The following TMEM131 variants were observed in gnomAD, a reference collection of about 807,000 sequenced individuals.
TMEM131 encodes the protein 2610524E03Rik.
TMEM131 carries 66 observed loss-of-function variants against 211.6 expected under a neutral mutation model. The ratio of observed to expected loss-of-function variants is 0.31; its 90% CI spans 0.26 to 0.38. The LOEUF is 0.38. TMEM131 is among the 10% of genes least tolerant of loss of function. The pLI, the probability that TMEM131 is intolerant of heterozygous loss-of-function variation, is 1.00. For synonymous variants in TMEM131, 844 were observed against 841.3 expected, an observed-to-expected ratio of 1.00 and a Z score of -0.06; for missense variants, 2,036 against 2,299.3, an observed-to-expected ratio of 0.89 and a Z score of 2.34.
intron 2 of TMEM131, among the ~76,000 whole-genome samples, chr2:97,920,354 A>G (rs929779778): frequency 6.6e-6 from 1 of 152,174 alleles, no homozygotes; most frequent in Non-Finnish European, 1.5e-5. Flanking sequence ...GAAATATTGA[A>G]TGTTGTATTT....
chr2:97,803,355 T>C (rs1681123820), intron 22 of TMEM131, among the ~76,000 whole-genome samples: 1 of 152,196 alleles, frequency 6.6e-6, no homozygotes, highest in Non-Finnish European at 1.5e-5. Context: ...AAGACATCAG[T>C]TGACAACAGA....
intron 1 of TMEM131, among the ~76,000 whole-genome samples, chr2:97,962,407 G>A (rs1310892719): frequency 2.0e-5 from 3 of 152,158 alleles, no homozygotes; most frequent in African/African-American, 7.2e-5. Flanking sequence ...GGGAGGCTGA[G>A]GCAGGAGAAT....
chr2:97,785,237 G>A (rs940252789), intron 31 of TMEM131, among the ~76,000 whole-genome samples: 1 of 152,044 alleles, frequency 6.6e-6, no homozygotes, highest in African/African-American at 2.4e-5. Flanking sequence ...CACACTACAG[G>A]CAAGTAAAAA....
At chr2:97,804,403 G>A (rs779925125) in intron 22 of TMEM131, among the ~76,000 whole-genome samples, 11 of 151,976 alleles carry the variant, frequency 7.2e-5, no homozygotes, top group African/African-American at 2.2e-4. Flanking sequence ...AGTGGGTCAC[G>A]CCTGTAATCT....
In TMEM131 at chr2:97,919,151, CA is replaced by C. The variant is rs371772738; in HGVS notation, c.249+8274del. 6.2e-3 allele frequency among the ~76,000 whole-genome samples: 951 copies of C among 152,312 alleles called. 14 individuals carry two copies. Among genetic ancestry groups the C allele is most frequent in the African/African-American group, 0.02 (830 of 41,568 alleles). ...TCATAAGATTTAGCCTTAGTGGTAC[CA>C]AAATGTTCTGCCACAATGCATTAGT... On this transcript the variant is annotated intron_variant, in intron 2 of 40. Transcript: ENST00000186436.
At chr2:97,827,336 C>G in intron 11 of TMEM131, 1 of 808,070 alleles carries the variant, frequency 1.2e-6, no homozygotes, top group Non-Finnish European at 2.3e-6. Flanking sequence ...AAACCTCCTG[C>G]AAAAGTGGAA....
At position 97,991,276 on chromosome 2, in the gene TMEM131, T is replaced by A. The variant is rs374508877; in HGVS notation, c.187+4200A>T. ...TAACAAGGCAGTACACAATTAGGTGTCAAAATGAATGATGAATGATTAACA... is the reference window on the plus strand; with the variant it reads ...TAACAAGGCAGTACACAATTAGGTGACAAAATGAATGATGAATGATTAACA... On this transcript the variant is annotated intron_variant, in intron 1 of 40. Coordinates refer to ENST00000186436, the MANE Select transcript of TMEM131 (RefSeq NM_015348.2). Among the ~76,000 whole-genome samples the A allele has an allele frequency of 4.0e-3, 603 of 152,178 alleles. 38 individuals carry two copies. The South Asian group carries it at 0.12, about 31-fold the overall frequency.
intron 25 of TMEM131, 83 bp from the exon 26 acceptor site, chr2:97,797,599 C>T: frequency 8.0e-7 from 1 of 1,245,826 alleles, no homozygotes; most frequent in Non-Finnish European, 1.1e-6. Flanking sequence ...ATCTAGAGCC[C>T]AGTATAGTTT....
At chr2:97,928,412 G>A (rs533537612) in intron 1 of TMEM131, among the ~76,000 whole-genome samples, 2 of 150,002 alleles carry the variant, frequency 1.3e-5, no homozygotes, top group South Asian at 4.1e-4. Flanking sequence ...GTGGATACAG[G>A]ACATGATGCA....
chr2:97,893,206 G>A (rs932180568), intron 3 of TMEM131, among the ~76,000 whole-genome samples: 16 of 152,178 alleles, frequency 1.1e-4, no homozygotes, highest in African/African-American at 3.9e-4. Flanking sequence ...CCATGTCCCT[G>A]CAAAGGGCAT....
chr2:97,943,089 G>GAAAC (rs747978896), intron 1 of TMEM131, among the ~76,000 whole-genome samples: 1 of 147,170 alleles, frequency 6.8e-6, no homozygotes, highest in East Asian at 2.0e-4. Context: ...AAGAAAGAAA[G>GAAAC]AAAGAAAGAA....
intron 1 of TMEM131, among the ~76,000 whole-genome samples, chr2:97,953,579 A>G (rs1388364560): frequency 6.6e-6 from 1 of 152,224 alleles, no homozygotes; most frequent in Admixed American, 6.5e-5. Flanking sequence ...GGAGATTTCA[A>G]CACTTCACTG....
intron 5 of TMEM131, among the ~76,000 whole-genome samples, chr2:97,848,342 A>C (rs1683541263): frequency 6.6e-6 from 1 of 152,304 alleles, no homozygotes; most frequent in South Asian, 2.1e-4. Flanking sequence ...AAAATCTAAA[A>C]CTATTATGGT....
chr2:97,875,774 T>C (rs997124286), intron 4 of TMEM131, among the ~76,000 whole-genome samples: 1 of 152,104 alleles, frequency 6.6e-6, no homozygotes, highest in African/African-American at 2.4e-5. Context: ...AGGAAAGATC[T>C]AAAATCGAAA....
At chr2:97,827,272 G>A (rs866305076) in intron 11 of TMEM131, 12 of 780,478 alleles carry the variant, frequency 1.5e-5, no homozygotes, top group Admixed American at 1.2e-4. Context: ...GGTCAGCTCC[G>A]CTGAAGCCGC....
intron 11 of TMEM131, 29 bp from the exon 12 acceptor site, chr2:97,818,750 G>A: frequency 1.4e-6 from 2 of 1,422,816 alleles, no homozygotes; most frequent in Non-Finnish European, 2.0e-6. Flanking sequence ...TACATACATG[G>A]CATTATTTCA....
At position 97,904,668 on chromosome 2, in the gene TMEM131, T is replaced by C. The variant is rs139889701; in HGVS notation, c.290+3990A>G. Among the ~76,000 whole-genome samples, 1,044 of 152,334 alleles carry C rather than the reference T, an allele frequency of 6.9e-3. 5 individuals carry two copies. The highest frequency in any genetic ancestry group is 0.011 in the Non-Finnish European group (775 of 68,018). On this transcript the variant is annotated intron_variant, in intron 3 of 40. Transcript: ENST00000186436. ...TATGTTTGGGTTTAAGTCTGCCATATTGCCATTTGTTTTCTATTTTTCCCA... is the reference window on the plus strand; with the variant it reads ...TATGTTTGGGTTTAAGTCTGCCATACTGCCATTTGTTTTCTATTTTTCCCA...
chr2:97,822,521 T>C (rs1428232542), intron 11 of TMEM131, among the ~76,000 whole-genome samples: 1 of 152,144 alleles, frequency 6.6e-6, no homozygotes, highest in Non-Finnish European at 1.5e-5. Context: ...GGAGAATGCT[T>C]AGAACTCTAA....
At chr2:97,948,759 G>A (rs907815562) in intron 1 of TMEM131, among the ~76,000 whole-genome samples, 1 of 151,972 alleles carries the variant, frequency 6.6e-6, no homozygotes, top group Non-Finnish European at 1.5e-5. Flanking sequence ...CCAGGTCCAA[G>A]CCATTCTCCT....
Sources: allele counts gnomAD v4.1 joint callset (sites outside exome capture counted in the v4.1 genomes callset), GRCh38; gene constraint gnomAD v4.1.1; transcripts MANE v1.5; gene names NCBI Gene and HGNC (gene_info 2026-07-23, HGNC 2026-07-21).